The following ADAR variants were observed in gnomAD, a reference collection of about 807,000 sequenced individuals.
The protein encoded by ADAR is double-stranded RNA-specific adenosine deaminase.
In ADAR, 41 loss-of-function variants were observed where a neutral mutation model predicts 113.2. That is an observed-to-expected ratio of 0.36 (90% CI 0.28 to 0.47). ADAR has a LOEUF of 0.47. Among genes scored for constraint, ADAR ranks in the 20% least tolerant of loss-of-function variants. The pLI is 1.00. For synonymous variants in ADAR, 605 were observed against 572.6 expected (o/e 1.06, Z -0.81); for missense variants, 1,242 against 1,540.9 (o/e 0.81, Z 3.25).
Position 154,590,313 on chromosome 1 carries a change from G to A in ADAR, c.2367C>T (p.Leu789=). 1.2e-6 allele frequency: 2 copies of A among 1,614,128 alleles called. No individual in the cohort carries two copies. The highest frequency in any genetic ancestry group is 1.7e-6 in the Non-Finnish European group (2 of 1,180,024). The part of the protein sequence containing the change: ...QGKQEAADAA[L]RVLIGENEKA... ...TCTCGTTCTCCCCAATCAAGACACG[G>A]AGAGCCGCATCTGCTGCTTCCTGCT... The change falls in exon 7 of 15, where the codon CTC becomes CTT. Residue 789 remains leucine (L), a synonymous_variant. Transcript: ENST00000368474.
Position 154,601,677 on chromosome 1 carries a change from A to AT in ADAR, c.964dup (p.Ile322AsnfsTer15), listed in dbSNP as rs1311676219. The AT allele has an allele frequency of 6.2e-7, 1 of 1,614,092 alleles. No individual in the cohort carries two copies. Among genetic ancestry groups the AT allele is most frequent in the Non-Finnish European group, 8.5e-7 (1 of 1,180,048 alleles). On this transcript the variant is annotated frameshift_variant, in exon 2 of 15. Transcript: ENST00000368474. LOFTEE classifies it high-confidence loss of function. This position sits in a 1 kb window ranked among gnomAD's most constrained non-coding sequence, Gnocchi z 4.7. The stretch of plus-strand genomic sequence containing the variant: ...TATATCTCGGGCCTTGGTAAGGCCA[A>AT]TATTTTTAGCCAAATTCAGGGCAGA...
At position 154,601,454 on chromosome 1, in the gene ADAR, T is replaced by C. The variant is rs2101639424; in HGVS notation, c.1188A>G (p.Thr396=). ...TTACCATGTTATTTGAGGCATTTGA[T>C]GTGGGTATATTACAGGTGAGGAACT... ...NAEFLTCNIP[T]SNASNNMVTT... The change falls in exon 2 of 15, where the codon ACA becomes ACG. Residue 396 remains threonine (T), a synonymous_variant. Coordinates refer to ENST00000368474, the MANE Select transcript of ADAR (RefSeq NM_001111.5). The surrounding 1 kb of genome is among the most constrained non-coding windows in gnomAD (Gnocchi z 4.7). 3 of 1,614,222 alleles carry C rather than the reference T, an allele frequency of 1.9e-6. No homozygotes were observed. Among genetic ancestry groups the C allele is most frequent in the African/African-American group, 2.7e-5 (2 of 75,060 alleles).
chr1:154,608,072 G>T lies in ADAR; in HGVS notation c.-66C>A. On this transcript the variant is annotated 5_prime_UTR_variant, in exon 1 of 15. Transcript: ENST00000368474. ...ACGACCCTGGCCCGACCGCTGGGCC[G>T]CGCCAGCCCCTCGAGGCCCCCACGC... is the stretch of plus-strand genomic sequence containing the variant. The T allele has an allele frequency of 6.7e-7, 1 of 1,502,634 alleles. No homozygotes were observed. The highest frequency in any genetic ancestry group is 1.3e-5 in the South Asian group (1 of 76,986). The allele number at this position is 1,502,634 out of a possible 1,614,324, so 93.1% of individuals were successfully genotyped here. A position where few individuals can be genotyped will look rare whatever the true frequency, so the allele number is the denominator to read the frequency against.
At chr1:154,619,078 C>A (rs1698714342) in intron 1 of ADAR, among the ~76,000 whole-genome samples, 1 of 152,078 alleles carries the variant, frequency 6.6e-6, no homozygotes, top group Admixed American at 6.5e-5. Flanking sequence ...CCACTGCACT[C>A]CAGCCTGGGC....
chr1:154,585,723 G>A (rs759521511), intron 13 of ADAR, 30 bp downstream of exon 13: 2 of 1,568,104 alleles, frequency 1.3e-6, no homozygotes, highest in East Asian at 2.2e-5. Context: ...GGAGGAAAAT[G>A]TCAGGGAAAA....
In ADAR at chr1:154,608,000, G is replaced by C. The variant is rs1313399962; in HGVS notation, c.7C>G (p.Pro3Ala). ...AGGCCGGCCCGGCTTACCTGCCGCG[G>C]ATTCATTGCGCCCGCGAGGCATTGC... MN[P>A]RQGYSLSGYY... Residue 3 changes from proline to alanine, a missense_variant, in exon 1 of 15, where the codon CCG becomes GCG. Pro to Ala is a conservative substitution (Grantham distance 27, BLOSUM62 -1). Coordinates refer to ENST00000368474, the MANE Select transcript of ADAR (RefSeq NM_001111.5). 2 of 1,606,270 alleles carry C rather than the reference G, an allele frequency of 1.2e-6. No individual in the cohort carries two copies. The highest frequency in any genetic ancestry group is 8.5e-7 in the Non-Finnish European group (1 of 1,176,786).
chr1:154,614,620 C>T (rs1159966330), intron 1 of ADAR, among the ~76,000 whole-genome samples: 1 of 152,232 alleles, frequency 6.6e-6, no homozygotes, highest in African/African-American at 2.4e-5. Context: ...AGTCAGTTTG[C>T]CAAATGGTCA....
intron 11 of ADAR, 140 bp downstream of exon 11, chr1:154,587,985 C>T (rs1696875868): frequency 7.5e-7 from 1 of 1,332,824 alleles, no homozygotes; most frequent in Non-Finnish European, 1.1e-6. Context: ...AGCTCCCTGA[C>T]CCAGGTCTTC....
chr1:154,626,409 C>T (rs1166593320), intron 1 of ADAR, among the ~76,000 whole-genome samples: 1 of 151,758 alleles, frequency 6.6e-6, no homozygotes, highest in Non-Finnish European at 1.5e-5. Flanking sequence ...GCCACTGCAC[C>T]CGGCCTAAAG....
intron 1 of ADAR, among the ~76,000 whole-genome samples, chr1:154,603,176 T>C (rs1276461122): frequency 1.3e-5 from 2 of 152,158 alleles, no homozygotes; most frequent in Non-Finnish European, 2.9e-5. Context: ...TAGATGACTA[T>C]GACAAAAGAA....
rs928941823 is a variant in ADAR at position 154,608,022 on chromosome 1, T to C, written c.-16A>G. The C allele has an allele frequency of 1.2e-5, 19 of 1,586,094 alleles. No individual in the cohort carries two copies. The highest frequency in any genetic ancestry group is 1.7e-4 in the Middle Eastern group (1 of 6,022). Reference sequence around the variant, plus strand: ...GCGGATTCATTGCGCCCGCGAGGCATTGCCCGGCCCGACCCGCCGGCGGCA... The same window carrying C: ...GCGGATTCATTGCGCCCGCGAGGCACTGCCCGGCCCGACCCGCCGGCGGCA... On this transcript the variant is annotated 5_prime_UTR_variant, in exon 1 of 15. An upstream start codon of the reference 5' UTR is lost. Transcript: ENST00000368474.
intron 6 of ADAR, among the ~76,000 whole-genome samples, chr1:154,592,568 C>G (rs774747350): frequency 1.3e-5 from 2 of 152,030 alleles, no homozygotes; most frequent in Non-Finnish European, 2.9e-5. Flanking sequence ...GATAGAAATT[C>G]TAAGTATAAC....
intron 10 of ADAR, 61 bp downstream of exon 10, chr1:154,588,490 G>T: frequency 6.2e-7 from 1 of 1,605,046 alleles, no homozygotes; most frequent in South Asian, 1.1e-5. Flanking sequence ...GAGAGCATTT[G>T]GATACCCAAT....
intron 1 of ADAR, among the ~76,000 whole-genome samples, chr1:154,621,933 G>A (rs1355251318): frequency 2.0e-5 from 3 of 152,102 alleles, no homozygotes; most frequent in Non-Finnish European, 4.4e-5. Context: ...TTTTGTTGTT[G>A]TCAAAAGAAA....
At chr1:154,590,141 A>ACCCCCC (rs3215061) in intron 7 of ADAR, 43 bp downstream of exon 7, 2 of 725,322 alleles carry the variant, frequency 2.8e-6, no homozygotes, top group African/African-American at 2.2e-5. Context: ...AGTTAGGAGG[A>ACCCCCC]CCCCCCCGCC....
rs200192885 is a variant in ADAR at position 154,601,707 on chromosome 1, T to A, written c.935A>T (p.Asp312Val). Residue 312 changes from aspartate (D) to valine (V), a missense_variant, in exon 2 of 15, where the codon GAC becomes GTC. Asp to Val is a radical substitution (Grantham distance 152, BLOSUM62 -3). This residue lies in a region of ADAR where 462 missense variants were observed against 483.1 expected (regional missense o/e 0.96). Transcript: ENST00000368474. This position sits in a 1 kb window ranked among gnomAD's most constrained non-coding sequence, Gnocchi z 4.7. ...KICDYLFNVS[D>V]SSALNLAKNI... is the part of the protein sequence containing the mutation. ...TTTAGCCAAATTCAGGGCAGAGGAGTCAGACACATTGAAGAGATAGTCGCA... is the reference window on the plus strand; with the variant it reads ...TTTAGCCAAATTCAGGGCAGAGGAGACAGACACATTGAAGAGATAGTCGCA... 1.2e-5 allele frequency: 20 copies of A among 1,614,080 alleles called. No individual in the cohort carries two copies. In the Admixed American group the frequency reaches 2.0e-4, roughly 16 times the overall value.
chr1:154,589,307 G>C, intron 9 of ADAR, 62 bp downstream of exon 9: 1 of 1,317,294 alleles, frequency 7.6e-7, no homozygotes, highest in Non-Finnish European at 1.1e-6. Context: ...AGAGCCATGT[G>C]GGGCAGGGAA....
chr1:154,621,122 G>GA (rs1698781042), intron 1 of ADAR, among the ~76,000 whole-genome samples: 1 of 151,786 alleles, frequency 6.6e-6, no homozygotes, highest in Non-Finnish European at 1.5e-5. Flanking sequence ...TATTTAAAAA[G>GA]AAAAAATATA....
chr1:154,615,191 C>T (rs1698599614), intron 1 of ADAR, among the ~76,000 whole-genome samples: 1 of 152,172 alleles, frequency 6.6e-6, no homozygotes, highest in Non-Finnish European at 1.5e-5. Flanking sequence ...TAATAAATTT[C>T]CATTGTTTTA....
Sources: allele counts gnomAD v4.1 joint callset (sites outside exome capture counted in the v4.1 genomes callset), GRCh38; gene constraint gnomAD v4.1.1; regional missense constraint gnomAD v4.1.1; non-coding constraint Gnocchi (gnomAD v3.1); transcripts MANE v1.5; gene names NCBI Gene and HGNC (gene_info 2026-07-23, HGNC 2026-07-21).